The following RNF130 variants were observed in gnomAD, a reference collection of about 807,000 sequenced individuals.
The protein encoded by RNF130 is E3 ubiquitin-protein ligase RNF130.
RNF130 carries 21 observed loss-of-function variants against 44.6 expected under a neutral mutation model. The ratio of observed to expected loss-of-function variants is 0.47; its 90% CI spans 0.33 to 0.68. The LOEUF is 0.68. Ranked by LOEUF, RNF130 falls within the 30% of genes least tolerant of loss-of-function variation. The pLI is 0.02. For missense variants in RNF130, 479 were observed against 560.6 expected, an observed-to-expected ratio of 0.85 and a Z score of 1.47; for synonymous variants, 214 against 210.4, an observed-to-expected ratio of 1.02 and a Z score of -0.15.
chr5:180,039,943 G>T (rs1764367845), intron 2 of RNF130, among the ~76,000 whole-genome samples: 2 of 152,144 alleles, frequency 1.3e-5, no homozygotes, highest in South Asian at 4.2e-4. Context: ...ACAGCGCCTG[G>T]CATTTATATA....
chr5:179,956,014 C>A lies in RNF130; in HGVS notation c.1245-345G>T, dbSNP rs546100879. 1.2e-4 allele frequency: 26 copies of A among 211,114 alleles called. 1 individual carries two copies. In the South Asian group the frequency reaches 4.4e-3, roughly 36 times the overall value. The allele number at this position is 211,114 out of a possible 1,614,324, so 13.1% of individuals were successfully genotyped here. A position where few individuals can be genotyped will look rare whatever the true frequency, so the allele number is the denominator to read the frequency against. On this transcript the variant is annotated intron_variant, in intron 8 of 8. Transcript: ENST00000521389. ...GAATGCTGAGGGTGCTGAAATCTGC[C>A]GCTGTTGTCTTTAAAAAATGCTCCT...
intron 8 of RNF130, 33 bp from the exon 9 acceptor site, chr5:179,955,702 T>C: frequency 6.5e-7 from 1 of 1,530,348 alleles, no homozygotes; most frequent in Non-Finnish European, 8.9e-7. Flanking sequence ...AGGTCATAAA[T>C]TAAAGAGTAG....
Position 180,040,524 on chromosome 5 carries a change from A to G in RNF130, c.371T>C (p.Phe124Ser), listed in dbSNP as rs1307879766. ...GATGACTACAGCAACTGCATTGTGG[A>G]AAGCGGCCCGTGATATTTTCTCTTT... is the stretch of plus-strand genomic sequence containing the variant. Reference protein sequence around the residue: ...TFKEKISRAAFHNAVAVVIYN... With the variant: ...TFKEKISRAASHNAVAVVIYN... The change falls in exon 2 of 9, where the codon TTC becomes TCC. Residue 124 changes from phenylalanine (F) to serine (S), a missense_variant. By Grantham distance (155) the Phe-to-Ser change is radical. Around this residue, in one of 3 missense-constraint regions of RNF130, gnomAD observed 180 missense variants for 275.1 expected, o/e 0.65. Coordinates refer to ENST00000521389, the MANE Select transcript of RNF130 (RefSeq NM_018434.6). The G allele has an allele frequency of 1.2e-6, 2 of 1,614,114 alleles. No homozygotes were observed. Among genetic ancestry groups the G allele is most frequent in the Non-Finnish European group, 1.7e-6 (2 of 1,180,054 alleles).
At chr5:179,989,726 G>A (rs1040889918) in intron 3 of RNF130, among the ~76,000 whole-genome samples, 7 of 152,048 alleles carry the variant, frequency 4.6e-5, no homozygotes, top group African/African-American at 1.7e-4. Flanking sequence ...TTAGGTTCAA[G>A]GTTAACATTG....
intron 3 of RNF130, among the ~76,000 whole-genome samples, chr5:179,994,140 A>G (rs956731583): frequency 7.2e-5 from 11 of 152,204 alleles, no homozygotes; most frequent in African/African-American, 2.7e-4. Context: ...CTTGTAGTAT[A>G]GTTTGAAGTC....
chr5:179,975,381 G>A (rs1195451985), intron 5 of RNF130, among the ~76,000 whole-genome samples: 1 of 152,194 alleles, frequency 6.6e-6, no homozygotes, highest in African/African-American at 2.4e-5. Flanking sequence ...GACACCTAGT[G>A]GGTAGAGGGC....
chr5:179,929,187 T>A (rs1363312127), intron 7 of RNF130, among the ~76,000 whole-genome samples: 1 of 152,216 alleles, frequency 6.6e-6, no homozygotes, highest in Non-Finnish European at 1.5e-5. Flanking sequence ...TTTATAAATA[T>A]TCAGTGGAGC....
At chr5:180,032,041 C>T (rs1279389896) in intron 2 of RNF130, among the ~76,000 whole-genome samples, 4 of 152,070 alleles carry the variant, frequency 2.6e-5, no homozygotes, top group Non-Finnish European at 2.9e-5. Flanking sequence ...ACCTTTTGCC[C>T]GTTGTAAAAC....
intron 1 of RNF130, among the ~76,000 whole-genome samples, chr5:180,071,235 C>A (rs908045555): frequency 2.0e-5 from 3 of 152,240 alleles, no homozygotes; most frequent in African/African-American, 4.8e-5. Flanking sequence ...ATGACCGTTC[C>A]AAGTCTTTTT....
chr5:180,039,932 C>T (rs1376320406), intron 2 of RNF130, among the ~76,000 whole-genome samples: 5 of 152,176 alleles, frequency 3.3e-5, no homozygotes, highest in Admixed American at 1.3e-4. Context: ...AAACTCATCG[C>T]ACAGCGCCTG....
At chr5:179,986,813 T>C (rs1762963886) in intron 3 of RNF130, among the ~76,000 whole-genome samples, 1 of 152,246 alleles carries the variant, frequency 6.6e-6, no homozygotes, top group Admixed American at 6.5e-5. Flanking sequence ...CATGATGACA[T>C]ATATTTCTCC....
Position 180,013,215 on chromosome 5 carries a change from G to C in RNF130, c.539C>G (p.Ala180Gly), listed in dbSNP as rs759819912. Residue 180 changes from alanine to glycine, a missense_variant, in exon 3 of 9, where the codon GCT becomes GGT. By Grantham distance (60) the Ala-to-Gly change is moderately conservative. Coordinates refer to ENST00000521389, the MANE Select transcript of RNF130 (RefSeq NM_018434.6). ...EKNISVQMTI[A>G]VGTRMPPKNF... is the part of the protein sequence containing the mutation. Reference sequence around the variant, plus strand: ...CTTCGGTGGCATTCGAGTTCCAACAGCTATTGTCATTTGTACAGAGATGTT... The same window carrying C: ...CTTCGGTGGCATTCGAGTTCCAACACCTATTGTCATTTGTACAGAGATGTT... The C allele has an allele frequency of 1.2e-6, 2 of 1,614,016 alleles. No homozygotes were observed. Among genetic ancestry groups the C allele is most frequent in the Non-Finnish European group, 1.7e-6 (2 of 1,180,040 alleles).
At chr5:179,925,331 C>T (rs1335812748) in intron 7 of RNF130, among the ~76,000 whole-genome samples, 3 of 152,086 alleles carry the variant, frequency 2.0e-5, no homozygotes, top group Non-Finnish European at 4.4e-5. Context: ...CCATAAAAAC[C>T]CAAAAGATTG....
intron 2 of RNF130, among the ~76,000 whole-genome samples, chr5:180,031,218 G>A (rs188272479): frequency 6.6e-6 from 1 of 152,326 alleles, no homozygotes; most frequent in Non-Finnish European, 1.5e-5. Context: ...TGGGCACGGT[G>A]GCTCACGCCT....
At chr5:180,060,272 T>C (rs1764941808) in intron 1 of RNF130, among the ~76,000 whole-genome samples, 1 of 152,238 alleles carries the variant, frequency 6.6e-6, no homozygotes, top group African/African-American at 2.4e-5. Flanking sequence ...TTTGGTGATT[T>C]GTTACTGCGG....
At chr5:179,936,330 G>A (rs1403567364) in intron 7 of RNF130, among the ~76,000 whole-genome samples, 1 of 152,072 alleles carries the variant, frequency 6.6e-6, no homozygotes, top group Non-Finnish European at 1.5e-5. Flanking sequence ...TTGAACTCCT[G>A]AGCTCAAGTG....
intron 3 of RNF130, among the ~76,000 whole-genome samples, chr5:179,985,153 C>CTTT (rs34998254): frequency 0.021 from 1,893 of 91,868 alleles, 103 homozygotes; most frequent in African/African-American, 0.041. Flanking sequence ...TACCCCCTAA[C>CTTT]TTTTTTTTTT....
intron 3 of RNF130, among the ~76,000 whole-genome samples, chr5:179,999,670 T>C (rs148145075): frequency 0.014 from 2,119 of 152,176 alleles, 15 homozygotes; most frequent in Non-Finnish European, 0.021. Context: ...TGAGCCAAGA[T>C]TGCACCACTG....
At chr5:179,946,755 C>T (rs879311056) in intron 7 of RNF130, among the ~76,000 whole-genome samples, 1 of 152,064 alleles carries the variant, frequency 6.6e-6, no homozygotes, top group Non-Finnish European at 1.5e-5. Flanking sequence ...GGGGCTTCAC[C>T]GTGTTAGCCA....
Sources: gnomAD v4.1 joint callset for allele counts (sites outside exome capture counted in the v4.1 genomes callset) on GRCh38, gnomAD v4.1.1 for gene constraint, gnomAD v4.1.1 regional missense constraint, MANE v1.5 for transcripts, NCBI Gene and HGNC (gene_info 2026-07-23, HGNC 2026-07-21) for gene names.